The following PTPRK variants were observed in gnomAD, a reference collection of about 807,000 sequenced individuals.
PTPRK encodes receptor-type tyrosine-protein phosphatase kappa.
In PTPRK, 75 loss-of-function variants were observed where a neutral mutation model predicts 178.0. The observed-to-expected ratio is 0.42, with a 90% CI of 0.35 to 0.51. The LOEUF (loss-of-function observed/expected upper bound fraction) is 0.51. PTPRK is among the 20% of genes least tolerant of loss of function. The probability of loss-of-function intolerance (pLI) is 0.02; values close to 1 mark genes in which losing one functional copy is unlikely to be tolerated. For synonymous variants in PTPRK, 637 were observed against 620.6 expected (o/e 1.03, Z -0.39); for missense variants, 1,441 against 1,797.8 (o/e 0.80, Z 3.59).
intron 5 of PTPRK, among the ~76,000 whole-genome samples, chr6:128,238,714 A>G (rs1813817923): frequency 6.6e-6 from 1 of 152,222 alleles, no homozygotes; most frequent in Non-Finnish European, 1.5e-5. Flanking sequence ...GTTGCACATT[A>G]TACAACATGC....
chr6:128,365,751 C>T (rs1040853410), intron 2 of PTPRK, among the ~76,000 whole-genome samples: 15 of 152,166 alleles, frequency 9.9e-5, no homozygotes, highest in African/African-American at 3.6e-4. Flanking sequence ...AGTTGAATGG[C>T]TTCCAAGCCA....
chr6:128,213,596 G>A (rs1347474026), intron 6 of PTPRK, among the ~76,000 whole-genome samples: 2 of 151,906 alleles, frequency 1.3e-5, no homozygotes, highest in Non-Finnish European at 2.9e-5. Context: ...TTAAGAAAAA[G>A]GATCTTTATA....
chr6:128,442,386 C>T (rs1424033619), intron 1 of PTPRK, among the ~76,000 whole-genome samples: 3 of 152,122 alleles, frequency 2.0e-5, no homozygotes, highest in African/African-American at 7.2e-5. Flanking sequence ...GGATCTAAGT[C>T]CAACATCTAA....
chr6:128,323,297 G>A (rs1829087553), intron 2 of PTPRK, among the ~76,000 whole-genome samples: 1 of 152,094 alleles, frequency 6.6e-6, no homozygotes, highest in African/African-American at 2.4e-5. Context: ...TTGTTCTCAT[G>A]TCATTGTGGA....
At chr6:128,398,356 C>G (rs1374657302) in intron 1 of PTPRK, among the ~76,000 whole-genome samples, 2 of 152,146 alleles carry the variant, frequency 1.3e-5, no homozygotes, top group African/African-American at 4.8e-5. Flanking sequence ...CGCTGTGGTC[C>G]TTCTGTTACT....
intron 1 of PTPRK, among the ~76,000 whole-genome samples, chr6:128,464,636 C>CATAT (rs1332123195): frequency 2.0e-4 from 8 of 40,740 alleles, no homozygotes; most frequent in East Asian, 2.3e-3. Flanking sequence ...TATATATATA[C>CATAT]ACATATATAT....
At chr6:128,132,565 C>G (rs1339471336) in intron 7 of PTPRK, among the ~76,000 whole-genome samples, 1 of 152,234 alleles carries the variant, frequency 6.6e-6, no homozygotes, top group African/African-American at 2.4e-5. Flanking sequence ...CACTAGAGAA[C>G]AGCAGTCATG....
chr6:128,048,965 G>T (rs58766015), intron 13 of PTPRK, among the ~76,000 whole-genome samples: 8,126 of 152,062 alleles, frequency 0.053, 439 homozygotes, highest in African/African-American at 0.13. Flanking sequence ...CTACAACACT[G>T]TCTGGTATAC....
chr6:128,422,086 A>C (rs1843548402), intron 1 of PTPRK, among the ~76,000 whole-genome samples: 1 of 152,230 alleles, frequency 6.6e-6, no homozygotes, highest in Non-Finnish European at 1.5e-5. Flanking sequence ...GTGCATTTTC[A>C]AAGTGTGTTG....
At chr6:128,306,578 G>A (rs1050073176) in intron 3 of PTPRK, among the ~76,000 whole-genome samples, 6 of 152,080 alleles carry the variant, frequency 3.9e-5, no homozygotes, top group Admixed American at 3.9e-4. Flanking sequence ...AGAGTAGCTT[G>A]AGGCCAGGAG....
intron 2 of PTPRK, among the ~76,000 whole-genome samples, chr6:128,361,752 A>G (rs1265890235): frequency 6.6e-6 from 1 of 152,184 alleles, no homozygotes; most frequent in African/African-American, 2.4e-5. Flanking sequence ...TAGTAGTATA[A>G]TCTTATCAGA....
At chr6:128,016,515 T>C (rs1228754747) in intron 13 of PTPRK, among the ~76,000 whole-genome samples, 2 of 151,998 alleles carry the variant, frequency 1.3e-5, no homozygotes, top group African/African-American at 2.4e-5. Flanking sequence ...TTTGTCACTT[T>C]CTCCAACTTT....
At chr6:128,499,720 A>G (rs758863121) in intron 1 of PTPRK, among the ~76,000 whole-genome samples, 2 of 152,242 alleles carry the variant, frequency 1.3e-5, no homozygotes, top group Non-Finnish European at 2.9e-5. Flanking sequence ...GTGACTCAGT[A>G]CACAGACATA....
At chr6:128,111,585 G>A (rs1790673938) in intron 7 of PTPRK, among the ~76,000 whole-genome samples, 2 of 151,406 alleles carry the variant, frequency 1.3e-5, no homozygotes, top group Admixed American at 6.6e-5. Flanking sequence ...GTAGTTTTAT[G>A]CTTACTTAAA....
chr6:128,081,362 A>G (rs1192890317), intron 10 of PTPRK, among the ~76,000 whole-genome samples: 3 of 152,046 alleles, frequency 2.0e-5, no homozygotes, highest in Non-Finnish European at 2.9e-5. Flanking sequence ...CTTCCAAGGA[A>G]TTATAGCTCA....
At chr6:128,347,050 C>T (rs1193700736) in intron 2 of PTPRK, among the ~76,000 whole-genome samples, 1 of 152,078 alleles carries the variant, frequency 6.6e-6, no homozygotes, top group Non-Finnish European at 1.5e-5. Flanking sequence ...AAAAGGAAAA[C>T]CATTCTATTT....
intron 1 of PTPRK, among the ~76,000 whole-genome samples, chr6:128,458,390 T>A (rs892683112): frequency 6.6e-6 from 1 of 152,178 alleles, no homozygotes; most frequent in Non-Finnish European, 1.5e-5. Flanking sequence ...TCCTTACAGA[T>A]ATGAGTATGC....
chr6:128,440,988 A>G (rs946936664), intron 1 of PTPRK, among the ~76,000 whole-genome samples: 2 of 152,258 alleles, frequency 1.3e-5, no homozygotes, highest in Admixed American at 1.3e-4. Flanking sequence ...TACCCCCTAC[A>G]CTGTGTGTTC....
chr6:128,463,713 G>A (rs1849372234), intron 1 of PTPRK, among the ~76,000 whole-genome samples: 2 of 143,274 alleles, frequency 1.4e-5, no homozygotes, highest in Non-Finnish European at 3.0e-5. Context: ...AAATAATTCA[G>A]CCTTCTCTAT....
Sources: allele counts gnomAD v4.1 joint callset (sites outside exome capture counted in the v4.1 genomes callset), GRCh38; gene constraint gnomAD v4.1.1; transcripts MANE v1.5; gene names NCBI Gene and HGNC (gene_info 2026-07-23, HGNC 2026-07-21).